The following SLC39A11 variants were observed in gnomAD, a reference collection of about 807,000 sequenced individuals.
SLC39A11 encodes the protein zinc transporter ZIP11.
A neutral mutation model predicts 36.1 loss-of-function variants in SLC39A11; 33 were observed. The observed-to-expected ratio is 0.91, with a 90% CI of 0.69 to 1.22. The LOEUF (loss-of-function observed/expected upper bound fraction) is 1.22. Among genes scored for constraint, SLC39A11 ranks in the 50% most tolerant of loss-of-function variants. SLC39A11 has a pLI of 0.00. For synonymous variants in SLC39A11, 166 were observed against 170.3 expected, an observed-to-expected ratio of 0.97 and a Z score of 0.20; for missense variants, 432 against 430.3, an observed-to-expected ratio of 1.00 and a Z score of -0.03.
chr17:73,072,097 A>T (rs1187739827), intron 3 of SLC39A11, among the ~76,000 whole-genome samples: 1 of 152,220 alleles, frequency 6.6e-6, no homozygotes, highest in East Asian at 1.9e-4. Context: ...CTGACTATTT[A>T]AACTGAATCT....
chr17:73,047,151 A>C (rs2059323855), intron 3 of SLC39A11, among the ~76,000 whole-genome samples: 1 of 151,330 alleles, frequency 6.6e-6, no homozygotes, highest in Non-Finnish European at 1.5e-5. Flanking sequence ...CAGCCTCCCG[A>C]GTAGCTGGGA....
intron 5 of SLC39A11, among the ~76,000 whole-genome samples, chr17:72,944,952 G>T (rs2085337946): frequency 6.6e-6 from 1 of 152,100 alleles, no homozygotes; most frequent in Admixed American, 6.5e-5. Flanking sequence ...TGTCTGAGAT[G>T]GGGGGACTAG....
intron 3 of SLC39A11, among the ~76,000 whole-genome samples, chr17:73,045,386 T>TAAAAAA (rs374832995): frequency 4.8e-5 from 2 of 41,704 alleles, no homozygotes; most frequent in African/African-American, 1.1e-4. Flanking sequence ...AAAACAGAGT[T>TAAAAAA]AAAAAAAAAA....
chr17:72,759,262 A>T (rs924700076), intron 6 of SLC39A11, among the ~76,000 whole-genome samples: 10 of 152,200 alleles, frequency 6.6e-5, no homozygotes, highest in Admixed American at 2.6e-4. Context: ...GCCAAAAAAA[A>T]ATCAAGGAGA....
At chr17:72,787,945 G>C (rs1315121424) in intron 6 of SLC39A11, among the ~76,000 whole-genome samples, 1 of 152,062 alleles carries the variant, frequency 6.6e-6, no homozygotes, top group African/African-American at 2.4e-5. Context: ...GATATATCAG[G>C]GTTGAAGATT....
intron 5 of SLC39A11, among the ~76,000 whole-genome samples, chr17:72,894,683 A>T (rs1322103520): frequency 1.3e-5 from 2 of 151,592 alleles, no homozygotes; most frequent in Admixed American, 6.6e-5. Context: ...AAAAAAAAAA[A>T]AAAATTCTAG....
At chr17:72,978,386 A>G (rs2088023481) in intron 4 of SLC39A11, among the ~76,000 whole-genome samples, 1 of 152,232 alleles carries the variant, frequency 6.6e-6, no homozygotes, top group Non-Finnish European at 1.5e-5. Flanking sequence ...GGGGAAACCG[A>G]TGATAAAGAA....
intron 6 of SLC39A11, among the ~76,000 whole-genome samples, chr17:72,840,167 T>C (rs1453241149): frequency 6.6e-6 from 1 of 152,184 alleles, no homozygotes; most frequent in African/African-American, 2.4e-5. Context: ...AAGCATTTCT[T>C]TGAAAGCCAT....
chr17:73,025,853 G>A (rs1199154025), intron 4 of SLC39A11, among the ~76,000 whole-genome samples: 1 of 152,008 alleles, frequency 6.6e-6, no homozygotes, highest in Non-Finnish European at 1.5e-5. Flanking sequence ...GGTGGCTCAC[G>A]CCTGTAATTC....
intron 7 of SLC39A11, among the ~76,000 whole-genome samples, chr17:72,734,234 C>T (rs1443847192): frequency 6.6e-6 from 1 of 152,162 alleles, no homozygotes; most frequent in African/African-American, 2.4e-5. Flanking sequence ...AGATGCCAGA[C>T]ATTTAGAGAG....
intron 7 of SLC39A11, among the ~76,000 whole-genome samples, chr17:72,723,042 C>T (rs754393602): frequency 2.0e-5 from 3 of 152,090 alleles, no homozygotes; most frequent in East Asian, 1.9e-4. Context: ...AAAGGGTGGC[C>T]GTCGTTTGTC....
chr17:73,070,814 C>T (rs555318552), intron 3 of SLC39A11, among the ~76,000 whole-genome samples: 2 of 152,186 alleles, frequency 1.3e-5, no homozygotes, highest in Non-Finnish European at 1.5e-5. Context: ...CTCTTGTCTG[C>T]CGCCATGTCA....
chr17:72,941,928 T>C (rs2085131711), intron 5 of SLC39A11, among the ~76,000 whole-genome samples: 1 of 151,950 alleles, frequency 6.6e-6, no homozygotes, highest in Non-Finnish European at 1.5e-5. Context: ...TCGCCCAGGC[T>C]GGAGTGCAGT....
chr17:73,078,940 T>TAC (rs34182605), intron 3 of SLC39A11, among the ~76,000 whole-genome samples: 56,762 of 151,230 alleles, frequency 0.38, 10,978 homozygotes, highest in Middle Eastern at 0.54. Context: ...TGTTACATTT[T>TAC]ACACACACAC....
intron 5 of SLC39A11, among the ~76,000 whole-genome samples, chr17:72,850,911 C>T (rs529469653): frequency 4.6e-5 from 7 of 152,250 alleles, no homozygotes; most frequent in South Asian, 2.1e-4. Context: ...CCAATTCAGA[C>T]GCCTGGCTCA....
At chr17:72,934,977 G>A (rs147210999) in intron 5 of SLC39A11, among the ~76,000 whole-genome samples, 72 of 152,302 alleles carry the variant, frequency 4.7e-4, no homozygotes, top group Non-Finnish European at 9.3e-4. Flanking sequence ...CGGTTTGGAG[G>A]TTTCCTATCA....
intron 3 of SLC39A11, among the ~76,000 whole-genome samples, chr17:73,046,553 A>T (rs2059298833): frequency 6.6e-6 from 1 of 152,208 alleles, no homozygotes; most frequent in Admixed American, 6.5e-5. Context: ...TTTTAGTATA[A>T]GCATGTCCCT....
chr17:73,016,776 T>A (rs883786), intron 4 of SLC39A11, among the ~76,000 whole-genome samples: 121,647 of 152,156 alleles, frequency 0.8, 51,405 homozygotes, highest in Middle Eastern at 0.94. Flanking sequence ...CAAAGCTAAA[T>A]CTAGTCACCT....
intron 7 of SLC39A11, among the ~76,000 whole-genome samples, chr17:72,707,796 A>C (rs2072952685): frequency 6.6e-6 from 1 of 152,242 alleles, no homozygotes; most frequent in Non-Finnish European, 1.5e-5. Flanking sequence ...AATAATTGCC[A>C]AGCAAAAGCC....
Sources: allele counts gnomAD v4.1 joint callset (sites outside exome capture counted in the v4.1 genomes callset), GRCh38; gene constraint gnomAD v4.1.1; transcripts MANE v1.5; gene names NCBI Gene and HGNC (gene_info 2026-07-23, HGNC 2026-07-21).